The following SDR42E1 variants were observed in gnomAD, a reference collection of about 807,000 sequenced individuals.
SDR42E1 encodes the protein short chain dehydrogenase/reductase family 42E, member 1.
A neutral mutation model predicts 2.6 loss-of-function variants in SDR42E1; 5 were observed. The ratio of observed to expected loss-of-function variants is 1.94; its 90% CI spans 1.01 to 4.08. The LOEUF is 4.08. Ranked by LOEUF, SDR42E1 falls within the 30% of genes most tolerant of loss-of-function variation. SDR42E1 has a pLI of 0.00. For synonymous variants in SDR42E1, 231 were observed against 188.3 expected (o/e 1.23, Z -1.86); for missense variants, 596 against 478.6 (o/e 1.25, Z -2.29).
In SDR42E1 at chr16:81,998,411, T is replaced by C. The variant is rs989133706; in HGVS notation, c.*700A>G. 5.9e-5 allele frequency: 9 copies of C among 152,250 alleles called. No homozygotes were observed. Among genetic ancestry groups the C allele is most frequent in the Non-Finnish European group, 1.5e-5 (1 of 68,094 alleles). 9.4% of individuals were successfully genotyped at this position (152,250 alleles called of 1,614,324 possible). A position where few individuals can be genotyped will look rare whatever the true frequency, so the allele number is the denominator to read the frequency against. ...AAGAGAACACTGAGGAAGAAAGCCC[T>C]CATAAGGAATGTACCATGACAATTC... is the stretch of plus-strand genomic sequence containing the variant. On this transcript the variant is annotated 3_prime_UTR_variant, in exon 3 of 3. Transcript: ENST00000328945.
In SDR42E1 at chr16:81,999,689, T is replaced by G; in HGVS notation, c.604A>C (p.Ser202Arg). 1 of 1,614,208 alleles carries G rather than the reference T, an allele frequency of 6.2e-7. No individual in the cohort carries two copies. Among genetic ancestry groups the G allele is most frequent in the South Asian group, 1.1e-5 (1 of 91,080 alleles). The change falls in exon 3 of 3, where the codon AGC becomes CGC. Residue 202 changes from serine to arginine, a missense_variant. Coordinates refer to ENST00000328945, the MANE Select transcript of SDR42E1 (RefSeq NM_145168.3). Reference sequence around the variant, plus strand: ...TTGAACAGACCCTTCTCGATGTAGCTGACTATCCTGGGAAGGTGTCTTTGT... The same window carrying G: ...TTGAACAGACCCTTCTCGATGTAGCGGACTATCCTGGGAAGGTGTCTTTGT... ...GEQRHLPRIV[S>R]YIEKGLFKFV...
chr16:82,006,560 AGGTG>A (rs1395209057), intron 1 of SDR42E1, among the ~76,000 whole-genome samples: 1 of 152,234 alleles, frequency 6.6e-6, no homozygotes, highest in African/African-American at 2.4e-5. Flanking sequence ...TGGAAGGCTG[AGGTG>A]GGTGGATCAC....
intron 1 of SDR42E1, among the ~76,000 whole-genome samples, chr16:82,003,218 G>A (rs1318299393): frequency 3.3e-5 from 5 of 152,170 alleles, no homozygotes; most frequent in African/African-American, 7.2e-5. Context: ...AACTGCCACG[G>A]TTGTGCTTTC....
intron 2 of SDR42E1, chr16:82,000,427 CAA>C (rs1912719539): frequency 1.4e-6 from 1 of 724,846 alleles, no homozygotes; most frequent in Admixed American, 2.0e-5. Flanking sequence ...ACTTAAATTA[CAA>C]AGAGAGAGGC....
rs1261423826 is a variant in SDR42E1, at chr16:81,993,366, C to G, written c.*5745G>C. The G allele has an allele frequency of 6.6e-6, 1 of 152,158 alleles. No homozygotes were observed. Among genetic ancestry groups the G allele is most frequent in the Non-Finnish European group, 1.5e-5 (1 of 68,032 alleles). 9.4% of individuals were successfully genotyped at this position (152,158 alleles called of 1,614,324 possible). A position where few individuals can be genotyped will look rare whatever the true frequency, so the allele number is the denominator to read the frequency against. On this transcript the variant is annotated 3_prime_UTR_variant, in exon 3 of 3. Transcript: ENST00000328945. Reference sequence around the variant, plus strand: ...GATTACCAACCAACACAGACTTTCTCAATCAGAAGCATCAGGGAAGAGTCT... The same window carrying G: ...GATTACCAACCAACACAGACTTTCTGAATCAGAAGCATCAGGGAAGAGTCT...
chr16:81,989,986 AAAACTCCGTCTGAAAC>A lies in SDR42E1; in HGVS notation c.*9109_*9124del, dbSNP rs1912391459. 1 of 152,496 alleles carries A rather than the reference AAAACTCCGTCTGAAAC, an allele frequency of 6.6e-6. No homozygotes were observed. Among genetic ancestry groups the A allele is most frequent in the Non-Finnish European group, 1.5e-5 (1 of 68,272 alleles). The allele number at this position is 152,496 out of a possible 1,614,324, so 9.4% of individuals were successfully genotyped here. Reference sequence around the variant, plus strand: ...GCACTCCAGCCTGGGCCACAAGACCAAAACTCCGTCTGAAACAGACAAACAAACAAAAAAAACATGG... The same window carrying A: ...GCACTCCAGCCTGGGCCACAAGACCAAGACAAACAAACAAAAAAAACATGG... On this transcript the variant is annotated 3_prime_UTR_variant, in exon 3 of 3. Coordinates refer to ENST00000328945, the MANE Select transcript of SDR42E1 (RefSeq NM_145168.3).
chr16:82,007,087 T>TC (rs1158356020), intron 1 of SDR42E1, among the ~76,000 whole-genome samples: 2 of 152,226 alleles, frequency 1.3e-5, no homozygotes, highest in African/African-American at 2.4e-5. Context: ...AACTGGTATT[T>TC]CCCATCTGTT....
At chr16:82,004,549 A>G (rs919017975) in intron 1 of SDR42E1, among the ~76,000 whole-genome samples, 1 of 152,174 alleles carries the variant, frequency 6.6e-6, no homozygotes, top group Admixed American at 6.5e-5. Context: ...TGCCCAGGCT[A>G]TAGTGCAGAG....
intron 1 of SDR42E1, among the ~76,000 whole-genome samples, chr16:82,005,197 T>C (rs1037616270): frequency 6.6e-6 from 1 of 152,200 alleles, no homozygotes; most frequent in Admixed American, 6.5e-5. Context: ...CATGTGCACA[T>C]TAATCAAGTA....
At position 81,993,013 on chromosome 16, in the gene SDR42E1, T is replaced by TC. The variant is rs1912462243; in HGVS notation, c.*6097dup. The TC allele has an allele frequency of 6.6e-6, 1 of 152,046 alleles. No individual in the cohort carries two copies. Among genetic ancestry groups the TC allele is most frequent in the South Asian group, 2.1e-4 (1 of 4,820 alleles). The allele number at this position is 152,046 out of a possible 1,614,324, so 9.4% of individuals were successfully genotyped here. On this transcript the variant is annotated 3_prime_UTR_variant, in exon 3 of 3. Coordinates refer to ENST00000328945, the MANE Select transcript of SDR42E1 (RefSeq NM_145168.3). ...CACAACAAGATGTGTTGCCAAAGAA[T>TC]CCCTTTGGCTCAAGAAAAAGAGGCT...
At chr16:82,009,221 G>A (rs1389381325) in intron 1 of SDR42E1, among the ~76,000 whole-genome samples, 2 of 152,216 alleles carry the variant, frequency 1.3e-5, no homozygotes, top group South Asian at 2.1e-4. Context: ...GAAATGTGGG[G>A]TTGGAACCAC....
In SDR42E1 at chr16:81,991,536, G is replaced by A. The variant is rs1912428829; in HGVS notation, c.*7575C>T. The A allele has an allele frequency of 6.6e-6, 1 of 151,972 alleles. No homozygotes were observed. The highest frequency in any genetic ancestry group is 2.4e-5 in the African/African-American group (1 of 41,332). 9.4% of individuals were successfully genotyped at this position (151,972 alleles called of 1,614,324 possible). On this transcript the variant is annotated 3_prime_UTR_variant, in exon 3 of 3. Coordinates refer to ENST00000328945, the MANE Select transcript of SDR42E1 (RefSeq NM_145168.3). ...ATTCAAGACCAGCCCAGGTAACATA[G>A]TGAAACACCGTCTCTACAGAAAATA... is the stretch of plus-strand genomic sequence containing the variant.
chr16:82,006,981 C>A (rs1400213575), intron 1 of SDR42E1, among the ~76,000 whole-genome samples: 3 of 152,208 alleles, frequency 2.0e-5, no homozygotes, highest in African/African-American at 7.2e-5. Flanking sequence ...TGTTTCAAAT[C>A]TTGTTCGGCT....
chr16:82,009,250 G>A (rs992131893), intron 1 of SDR42E1, among the ~76,000 whole-genome samples: 1 of 152,170 alleles, frequency 6.6e-6, no homozygotes, highest in Non-Finnish European at 1.5e-5. Flanking sequence ...GTCCCCACTG[G>A]GACACTGCCT....
At chr16:82,000,547 T>A (rs1912724011) in intron 2 of SDR42E1, 1 of 586,864 alleles carries the variant, frequency 1.7e-6, no homozygotes, top group African/African-American at 1.9e-5. Flanking sequence ...ACAGCTATGA[T>A]TTAAAATTGT....
At chr16:82,005,806 A>C (rs954728365) in intron 1 of SDR42E1, among the ~76,000 whole-genome samples, 2 of 152,192 alleles carry the variant, frequency 1.3e-5, no homozygotes, top group Non-Finnish European at 2.9e-5. Flanking sequence ...ATACAGGTTA[A>C]AGTTAAGCAC....
At position 81,990,424 on chromosome 16, in the gene SDR42E1, T is replaced by G. The variant is rs544838632; in HGVS notation, c.*8687A>C. ...AGTTGTTTTTTTCAAACTACAGTCT[T>G]ATGTTGCTAATTAGTTACTGAACAT... On this transcript the variant is annotated 3_prime_UTR_variant, in exon 3 of 3. Coordinates refer to ENST00000328945, the MANE Select transcript of SDR42E1 (RefSeq NM_145168.3). 1 of 152,348 alleles carries G rather than the reference T, an allele frequency of 6.6e-6. No homozygotes were observed. The highest frequency in any genetic ancestry group is 2.4e-5 in the African/African-American group (1 of 41,584). 9.4% of individuals were successfully genotyped at this position (152,348 alleles called of 1,614,324 possible).
chr16:81,996,216 G>C lies in SDR42E1; in HGVS notation c.*2895C>G, dbSNP rs1223685199. 1.3e-5 allele frequency: 2 copies of C among 152,292 alleles called. No individual in the cohort carries two copies. Among genetic ancestry groups the C allele is most frequent in the East Asian group, 1.9e-4 (1 of 5,196 alleles). 9.4% of individuals were successfully genotyped at this position (152,292 alleles called of 1,614,324 possible). A position where few individuals can be genotyped will look rare whatever the true frequency, so the allele number is the denominator to read the frequency against. On this transcript the variant is annotated 3_prime_UTR_variant, in exon 3 of 3. Transcript: ENST00000328945. Reference sequence around the variant, plus strand: ...ATTTGCACCTTTATAGAGTCTCTTGGCTAGGCATGTGGAGAATGGACTGAA... The same window carrying C: ...ATTTGCACCTTTATAGAGTCTCTTGCCTAGGCATGTGGAGAATGGACTGAA...
Position 81,994,472 on chromosome 16 carries a change from G to C in SDR42E1, c.*4639C>G, listed in dbSNP as rs1265253166. On this transcript the variant is annotated 3_prime_UTR_variant, in exon 3 of 3. Coordinates refer to ENST00000328945, the MANE Select transcript of SDR42E1 (RefSeq NM_145168.3). Reference sequence around the variant, plus strand: ...ACTGCGGCCGAAGGATGGAAGTCCTGTGAGCGGTCAGGCCTGCATGTGGAG... The same window carrying C: ...ACTGCGGCCGAAGGATGGAAGTCCTCTGAGCGGTCAGGCCTGCATGTGGAG... The C allele has an allele frequency of 1.3e-5, 2 of 152,312 alleles. No individual in the cohort carries two copies. Among genetic ancestry groups the C allele is most frequent in the Non-Finnish European group, 2.9e-5 (2 of 68,104 alleles). The allele number at this position is 152,312 out of a possible 1,614,324, so 9.4% of individuals were successfully genotyped here.
Sources: allele counts gnomAD v4.1 joint callset (sites outside exome capture counted in the v4.1 genomes callset), GRCh38; gene constraint gnomAD v4.1.1; transcripts MANE v1.5; gene names NCBI Gene and HGNC (gene_info 2026-07-23, HGNC 2026-07-21).